Variants in ZNF423 observed in about 807,000 individuals in gnomAD.
ZNF423 encodes Ebf-associated zinc finger protein.
A neutral mutation model predicts 95.8 loss-of-function variants in ZNF423; 12 were observed. The ratio of observed to expected loss-of-function variants is 0.13; its 90% CI spans 0.08 to 0.20. The LOEUF (loss-of-function observed/expected upper bound fraction) is 0.20. Among genes scored for constraint, ZNF423 ranks in the 10% least tolerant of loss-of-function variants. The probability of loss-of-function intolerance (pLI) is 1.00; values close to 1 mark genes in which losing one functional copy is unlikely to be tolerated. For synonymous variants in ZNF423, 749 were observed against 711.9 expected (o/e 1.05, Z -0.83); for missense variants, 1,316 against 1,737.1 (o/e 0.76, Z 4.31).
chr16:49,640,716 A>C (rs973409179), intron 3 of ZNF423: 15 of 152,370 alleles, frequency 9.8e-5, no homozygotes, highest in African/African-American at 3.6e-4. Context: ...CCCGACTGCA[A>C]GGCTTCCGGC....
At chr16:49,670,953 G>C (rs2030780037) in intron 3 of ZNF423, among the ~76,000 whole-genome samples, 3 of 152,218 alleles carry the variant, frequency 2.0e-5, no homozygotes. Context: ...AGGGAGTCAG[G>C]CCAGCAACGC....
intron 3 of ZNF423, among the ~76,000 whole-genome samples, chr16:49,639,501 A>T (rs1164126650): frequency 6.6e-6 from 1 of 152,236 alleles, no homozygotes. Flanking sequence ...AAGAGACAGC[A>T]GACTTCAGTG....
At chr16:49,731,054 G>A (rs904149185) in intron 2 of ZNF423, 83 bp from the exon 3 acceptor site, 8 of 1,479,526 alleles carry the variant, frequency 5.4e-6, no homozygotes, top group East Asian at 2.3e-5. Context: ...CATTTATTAA[G>A]ATACATTTAA....
chr16:49,539,030 C>T (rs976461894), intron 5 of ZNF423, among the ~76,000 whole-genome samples: 2 of 152,236 alleles, frequency 1.3e-5, no homozygotes, highest in African/African-American at 4.8e-5. Flanking sequence ...TTGCTGTGCA[C>T]ATGTGTGTCC....
chr16:49,779,925 A>C (rs1223001554), intron 2 of ZNF423, among the ~76,000 whole-genome samples: 1 of 152,172 alleles, frequency 6.6e-6, no homozygotes, highest in African/African-American at 2.4e-5. Context: ...TTGCTGGGGC[A>C]GATGGTCCCA....
intron 7 of ZNF423, among the ~76,000 whole-genome samples, chr16:49,517,425 C>T (rs897230156): frequency 6.6e-6 from 1 of 152,176 alleles, no homozygotes. Context: ...CTTCTGCAAT[C>T]CATCCAAGTC....
intron 5 of ZNF423, among the ~76,000 whole-genome samples, chr16:49,623,106 C>G (rs2151860730): frequency 6.6e-6 from 1 of 152,256 alleles, no homozygotes; most frequent in East Asian, 1.9e-4. Context: ...GGAGGTCTGG[C>G]TCACCCGGGG....
intron 3 of ZNF423, among the ~76,000 whole-genome samples, chr16:49,671,494 A>G (rs1389556438): frequency 3.3e-5 from 5 of 152,182 alleles, no homozygotes; most frequent in Admixed American, 2.0e-4. Flanking sequence ...GTGCATGCAC[A>G]TGACTTCCAA....
At chr16:49,812,909 G>GA (rs2034776114) in intron 1 of ZNF423, among the ~76,000 whole-genome samples, 1 of 152,156 alleles carries the variant, frequency 6.6e-6, no homozygotes, top group Non-Finnish European at 1.5e-5. Flanking sequence ...CTCCAGGGAG[G>GA]ACAGTGGGTG....
intron 7 of ZNF423, among the ~76,000 whole-genome samples, chr16:49,523,325 A>C (rs1475276914): frequency 6.6e-6 from 1 of 152,214 alleles, no homozygotes; most frequent in African/African-American, 2.4e-5. Flanking sequence ...ATCATTTTAC[A>C]ATAGAGGTAG....
At chr16:49,803,496 G>A (rs113992743) in intron 1 of ZNF423, among the ~76,000 whole-genome samples, 31 of 152,126 alleles carry the variant, frequency 2.0e-4, no homozygotes, top group Admixed American at 5.9e-4. Flanking sequence ...CCATTTTTAG[G>A]CTTTTGGGAT....
At chr16:49,828,761 G>A (rs753841101) in intron 1 of ZNF423, among the ~76,000 whole-genome samples, 6 of 152,216 alleles carry the variant, frequency 3.9e-5, no homozygotes, top group Admixed American at 1.3e-4. Flanking sequence ...TCCCGCCCAC[G>A]CACACGCAGA....
intron 2 of ZNF423, among the ~76,000 whole-genome samples, chr16:49,787,117 A>G (rs375437358): frequency 1.3e-5 from 2 of 152,100 alleles, no homozygotes; most frequent in East Asian, 3.9e-4. Flanking sequence ...GTGCTCAATA[A>G]ATGTGACATC....
chr16:49,597,628 C>T (rs564963356), intron 5 of ZNF423, among the ~76,000 whole-genome samples: 34 of 152,054 alleles, frequency 2.2e-4, no homozygotes, highest in African/African-American at 6.8e-4. Context: ...TCCAGTCTGC[C>T]GTGTGCAAGC....
Position 49,691,861 on chromosome 16 carries a change from T to G in ZNF423, c.301+38910A>C, listed in dbSNP as rs953448952. ...TGACTATAAGCCTGGGGCTGAGCACTTGGCCTCCTCCTGCTGCTGAGGGAC... is the reference window on the plus strand; with the variant it reads ...TGACTATAAGCCTGGGGCTGAGCACGTGGCCTCCTCCTGCTGCTGAGGGAC... On this transcript the variant is annotated intron_variant, in intron 3 of 7. Transcript: ENST00000563137. 2.6e-5 allele frequency among the ~76,000 whole-genome samples: 4 copies of G among 152,218 alleles called. 1 individual carries two copies. The highest frequency in any genetic ancestry group is 2.0e-4 in the Admixed American group (3 of 15,282).
At chr16:49,832,538 C>T (rs764396391) in intron 1 of ZNF423, among the ~76,000 whole-genome samples, 3 of 152,212 alleles carry the variant, frequency 2.0e-5, no homozygotes, top group South Asian at 2.1e-4. Context: ...CTCAAATAGG[C>T]GCTCCTCAAA....
intron 5 of ZNF423, among the ~76,000 whole-genome samples, chr16:49,545,337 G>T (rs1969400709): frequency 6.6e-6 from 1 of 152,188 alleles, no homozygotes; most frequent in South Asian, 2.1e-4. Context: ...CCTGCCCATT[G>T]CTGTTGGACA....
intron 5 of ZNF423, among the ~76,000 whole-genome samples, chr16:49,567,597 C>T (rs1970232693): frequency 6.6e-6 from 1 of 152,134 alleles, no homozygotes; most frequent in African/African-American, 2.4e-5. Context: ...CCATTCCCAC[C>T]CTGAAATGCA....
intron 5 of ZNF423, among the ~76,000 whole-genome samples, chr16:49,605,227 T>C (rs1971501357): frequency 6.6e-6 from 1 of 151,990 alleles, no homozygotes; most frequent in Admixed American, 6.5e-5. Context: ...ATCCTGGGGG[T>C]GGAGGATGCT....
Sources: allele counts gnomAD v4.1 joint callset (sites outside exome capture counted in the v4.1 genomes callset), GRCh38; gene constraint gnomAD v4.1.1; transcripts MANE v1.5; gene names NCBI Gene and HGNC (gene_info 2026-07-23, HGNC 2026-07-21).